BANK1: variants seen among roughly 807,000 people sequenced by gnomAD.
The protein encoded by BANK1 is B-cell scaffold protein with ankyrin repeats.
Under a neutral mutation model 94.5 loss-of-function variants are expected in BANK1, and 95 were observed. The ratio of observed to expected loss-of-function variants is 1.00; its 90% CI spans 0.85 to 1.19. The LOEUF is 1.19. Ranked by LOEUF, BANK1 falls within the 50% of genes most tolerant of loss-of-function variation. The pLI is 0.00. For synonymous variants in BANK1, 334 were observed against 308.4 expected (o/e 1.08, Z -0.87); for missense variants, 987 against 932.2 (o/e 1.06, Z -0.77).
intron 10 of BANK1, among the ~76,000 whole-genome samples, chr4:102,039,154 T>A: frequency 6.6e-6 from 1 of 152,136 alleles, no homozygotes; most frequent in Non-Finnish European, 1.5e-5. Flanking sequence ...AGTAAACTGG[T>A]TTCAGGTGAA....
chr4:102,003,457 G>A (rs989403822), intron 7 of BANK1, among the ~76,000 whole-genome samples: 4 of 152,104 alleles, frequency 2.6e-5, no homozygotes, highest in Non-Finnish European at 1.5e-5. Context: ...AGGTCAGCTG[G>A]GACTGTGAAC....
At chr4:101,897,161 C>T (rs1484746476) in intron 6 of BANK1, among the ~76,000 whole-genome samples, 2 of 151,840 alleles carry the variant, frequency 1.3e-5, no homozygotes, top group African/African-American at 4.8e-5. Context: ...TGATACTAGT[C>T]ATAACCTTCA....
At chr4:102,011,310 G>T (rs1454150847) in intron 7 of BANK1, among the ~76,000 whole-genome samples, 3 of 152,190 alleles carry the variant, frequency 2.0e-5, no homozygotes, top group Admixed American at 6.5e-5. Context: ...GATTTGACCA[G>T]TCCTGATTTC....
chr4:102,060,308 T>C lies in BANK1; in HGVS notation c.2067T>C (p.Asn689=). Residue 689 remains asparagine (N), a synonymous_variant, in exon 12 of 17, where the codon AAT becomes AAC. Coordinates refer to ENST00000322953, the MANE Select transcript of BANK1 (RefSeq NM_017935.5). ...ELILLQEKVK[N]GKMSMDEALE... is the part of the protein sequence containing the mutation. Reference sequence around the variant, plus strand: ...TCCTCCTGCAGGAGAAAGTAAAGAATGGGAAAATGTCTATGGATGAAGCTC... The same window carrying C: ...TCCTCCTGCAGGAGAAAGTAAAGAACGGGAAAATGTCTATGGATGAAGCTC... 1 of 1,610,442 alleles carries C rather than the reference T, an allele frequency of 6.2e-7. No individual in the cohort carries two copies. Among genetic ancestry groups the C allele is most frequent in the African/African-American group, 1.3e-5 (1 of 74,664 alleles).
chr4:102,057,286 CTCTT>C (rs1189752955), intron 11 of BANK1, among the ~76,000 whole-genome samples: 1 of 151,510 alleles, frequency 6.6e-6, no homozygotes, highest in Non-Finnish European at 1.5e-5. Flanking sequence ...TGCTCTCTCT[CTCTT>C]TCTCTCTTTC....
chr4:101,894,423 AC>A (rs1325245173), intron 5 of BANK1, among the ~76,000 whole-genome samples: 1 of 151,582 alleles, frequency 6.6e-6, no homozygotes, highest in Admixed American at 6.6e-5. Flanking sequence ...TATTACTTGC[AC>A]CCTGAATTCT....
At chr4:102,054,863 T>C (rs1728176809) in intron 11 of BANK1, among the ~76,000 whole-genome samples, 1 of 152,104 alleles carries the variant, frequency 6.6e-6, no homozygotes, top group Non-Finnish European at 1.5e-5. Flanking sequence ...CCTTCTTGTA[T>C]AGAGTGAGTG....
intron 2 of BANK1, among the ~76,000 whole-genome samples, chr4:101,854,143 C>T (rs1361644046): frequency 6.6e-6 from 1 of 151,980 alleles, no homozygotes; most frequent in African/African-American, 2.4e-5. Context: ...TTTCCAGTTC[C>T]CTTCTTGGGG....
At chr4:101,984,844 G>T (rs992561461) in intron 7 of BANK1, among the ~76,000 whole-genome samples, 9 of 152,044 alleles carry the variant, frequency 5.9e-5, no homozygotes, top group South Asian at 2.1e-4. Context: ...CTTTTTGGCA[G>T]TTCTGAGATA....
chr4:102,066,320 G>T (rs1227644249), intron 13 of BANK1, among the ~76,000 whole-genome samples: 1 of 149,370 alleles, frequency 6.7e-6, no homozygotes, highest in African/African-American at 2.5e-5. Flanking sequence ...GCAGTGGCAC[G>T]ATCTCGGCTC....
chr4:102,041,228 G>T (rs1727692953), intron 10 of BANK1, among the ~76,000 whole-genome samples: 10 of 152,028 alleles, frequency 6.6e-5, no homozygotes, highest in Admixed American at 6.6e-4. Context: ...CAAAGGTTTT[G>T]CTAGTTGAAG....
intron 7 of BANK1, among the ~76,000 whole-genome samples, chr4:101,947,615 A>G (rs951097749): frequency 4.6e-5 from 7 of 151,726 alleles, no homozygotes; most frequent in Non-Finnish European, 1.0e-4. Flanking sequence ...ATTCTTTATG[A>G]TTCATTAATT....
chr4:102,042,247 C>A (rs541318791), intron 10 of BANK1, among the ~76,000 whole-genome samples: 1 of 151,938 alleles, frequency 6.6e-6, no homozygotes, highest in Non-Finnish European at 1.5e-5. Flanking sequence ...AATATCCTAA[C>A]GTATAGTCAT....
intron 14 of BANK1, 48 bp from the exon 15 acceptor site, chr4:102,072,296 TC>T (rs1187588833): frequency 1.4e-6 from 2 of 1,380,708 alleles, no homozygotes; most frequent in African/African-American, 2.9e-5. Flanking sequence ...AAATAAATCA[TC>T]AAATTTGTGA....
intron 7 of BANK1, among the ~76,000 whole-genome samples, chr4:102,009,995 C>G (rs2850389): frequency 0.6 from 91,767 of 151,942 alleles, 28,082 homozygotes; most frequent in East Asian, 0.7. Flanking sequence ...GGCTGGGTGC[C>G]GTGGCTCACG....
At chr4:101,932,830 T>C (rs566298349) in intron 7 of BANK1, among the ~76,000 whole-genome samples, 2 of 151,624 alleles carry the variant, frequency 1.3e-5, no homozygotes, top group East Asian at 2.0e-4. Flanking sequence ...AACAAAACAA[T>C]AGATTTTGTG....
chr4:101,856,466 G>A (rs1727684113), intron 3 of BANK1, among the ~76,000 whole-genome samples: 1 of 152,012 alleles, frequency 6.6e-6, no homozygotes, highest in Non-Finnish European at 1.5e-5. Context: ...GAAAATAAGT[G>A]TAATAAAAGA....
chr4:101,803,157 A>G (rs564291161), intron 1 of BANK1, among the ~76,000 whole-genome samples: 1 of 152,324 alleles, frequency 6.6e-6, no homozygotes, highest in Admixed American at 6.5e-5. Flanking sequence ...CAAATTTGTC[A>G]TCTCTATTAA....
intron 1 of BANK1, among the ~76,000 whole-genome samples, chr4:101,802,117 C>T (rs937712836): frequency 6.6e-6 from 1 of 152,190 alleles, no homozygotes; most frequent in African/African-American, 2.4e-5. Context: ...GGATAGAGCC[C>T]TAGCCAGGGA....
Sources: gnomAD v4.1 joint callset for allele counts (sites outside exome capture counted in the v4.1 genomes callset) on GRCh38, gnomAD v4.1.1 for gene constraint, MANE v1.5 for transcripts, NCBI Gene and HGNC (gene_info 2026-07-23, HGNC 2026-07-21) for gene names.